Variants in RBFOX1 observed in about 807,000 individuals in gnomAD.
RBFOX1 encodes the protein RNA binding protein fox-1 homolog 1.
In RBFOX1, 8 loss-of-function variants were observed where a neutral mutation model predicts 57.7. The observed-to-expected ratio is 0.14, with a 90% CI of 0.08 to 0.25. The LOEUF is 0.25. Ranked by LOEUF, RBFOX1 falls within the 10% of genes least tolerant of loss-of-function variation. The probability of loss-of-function intolerance (pLI) is 1.00; values close to 1 mark genes in which losing one functional copy is unlikely to be tolerated. For missense variants in RBFOX1, 611 were observed against 548.5 expected (o/e 1.11, Z -1.14); for synonymous variants, 326 against 222.4 (o/e 1.47, Z -4.15).
intron 4 of RBFOX1, among the ~76,000 whole-genome samples, chr16:7,295,688 C>T (rs1301148677): frequency 6.6e-6 from 1 of 151,964 alleles, no homozygotes; most frequent in Non-Finnish European, 1.5e-5. Flanking sequence ...GGGAGTACAC[C>T]TTTTGCAGTC....
rs188341423 is a variant in RBFOX1 at position 6,838,392 on chromosome 16, T to A, written c.-16+183742T>A. On this transcript the variant is annotated intron_variant, in intron 3 of 15. Transcript: ENST00000550418. ...TTTATGGCTGCATAATATTCCCTGG[T>A]GCATATGTGCCACATTTTCTTTATC... Among the ~76,000 whole-genome samples, 500 of 152,344 alleles carry A rather than the reference T, an allele frequency of 3.3e-3. 3 individuals are homozygous for A. Among genetic ancestry groups the A allele is most frequent in the African/African-American group, 0.011 (477 of 41,572 alleles).
At chr16:6,545,975 G>T (rs537550278) in intron 2 of RBFOX1, among the ~76,000 whole-genome samples, 2 of 152,250 alleles carry the variant, frequency 1.3e-5, no homozygotes, top group Admixed American at 1.3e-4. Flanking sequence ...CAATCTTTTG[G>T]CTTCTCTGGG....
Position 6,745,749 on chromosome 16 carries a change from C to T in RBFOX1, c.-16+91099C>T, listed in dbSNP as rs191613958. ...ATTGGGAACAAAGCAAGGATTTATG[C>T]TTTCACCACTTCCCTTTCGCAGTAT... On this transcript the variant is annotated intron_variant, in intron 3 of 15. Coordinates refer to ENST00000550418, the MANE Select transcript of RBFOX1 (RefSeq NM_018723.4). Among the ~76,000 whole-genome samples, 9 of 152,266 alleles carry T rather than the reference C, an allele frequency of 5.9e-5. No homozygotes were observed. The East Asian group carries it at 1.7e-3, about 29-fold the overall frequency.
intron 3 of RBFOX1, among the ~76,000 whole-genome samples, chr16:6,744,861 G>A (rs28854308): frequency 1.9e-4 from 29 of 151,990 alleles, no homozygotes; most frequent in African/African-American, 7.0e-4. Context: ...AAAACAGGTA[G>A]TAGGCCAAAA....
chr16:6,110,464 C>G (rs190955428), intron 1 of RBFOX1, among the ~76,000 whole-genome samples: 1 of 152,196 alleles, frequency 6.6e-6, no homozygotes, highest in African/African-American at 2.4e-5. Flanking sequence ...ACAATTGATA[C>G]CTAAGTAGTG....
chr16:6,859,174 T>TATGTATATATAC (rs778753196), intron 3 of RBFOX1, among the ~76,000 whole-genome samples: 21 of 65,056 alleles, frequency 3.2e-4, no homozygotes, highest in South Asian at 2.1e-3. Flanking sequence ...CGTATATATA[T>TATGTATATATAC]GTATATATAT....
intron 1 of RBFOX1, among the ~76,000 whole-genome samples, chr16:5,463,127 C>T (rs2068843028): frequency 6.6e-6 from 1 of 152,164 alleles, no homozygotes; most frequent in African/African-American, 2.4e-5. Flanking sequence ...GAATACACGT[C>T]AACCTTGCAT....
intron 4 of RBFOX1, among the ~76,000 whole-genome samples, chr16:7,178,494 T>C (rs1344192289): frequency 6.6e-6 from 1 of 152,222 alleles, no homozygotes; most frequent in Non-Finnish European, 1.5e-5. Flanking sequence ...AATTGATGTA[T>C]CGATTGACTG....
intron 13 of RBFOX1, among the ~76,000 whole-genome samples, chr16:7,674,689 C>A (rs183013382): frequency 3.3e-5 from 5 of 152,194 alleles, no homozygotes; most frequent in Admixed American, 2.0e-4. Context: ...ATTTTGAGAC[C>A]TTCATAGATG....
chr16:6,885,267 G>A (rs8047883), intron 3 of RBFOX1, among the ~76,000 whole-genome samples: 118,999 of 152,104 alleles, frequency 0.78, 47,346 homozygotes, highest in African/African-American at 0.92. Flanking sequence ...GCATCACCTG[G>A]AAACTTGCTA....
At chr16:6,379,811 G>A (rs1437793434) in intron 2 of RBFOX1, among the ~76,000 whole-genome samples, 4 of 152,080 alleles carry the variant, frequency 2.6e-5, no homozygotes, top group African/African-American at 4.8e-5. Context: ...GTTTTGTTGT[G>A]CAAGAAGGGG....
chr16:7,661,626 G>T (rs2067757643), intron 12 of RBFOX1, among the ~76,000 whole-genome samples: 1 of 152,164 alleles, frequency 6.6e-6, no homozygotes, highest in African/African-American at 2.4e-5. Flanking sequence ...CATAATTTGT[G>T]ACTGTGTGTC....
chr16:7,175,348 G>A (rs1471991946), intron 4 of RBFOX1, among the ~76,000 whole-genome samples: 1 of 151,912 alleles, frequency 6.6e-6, no homozygotes, highest in Non-Finnish European at 1.5e-5. Flanking sequence ...GGGTCTCAGT[G>A]AATCTTGAGG....
At chr16:5,720,591 C>T (rs774510201) in intron 3 of RBFOX1, among the ~76,000 whole-genome samples, 3 of 152,132 alleles carry the variant, frequency 2.0e-5, no homozygotes, top group Non-Finnish European at 4.4e-5. Flanking sequence ...GTCTATGATC[C>T]ATTTCGAGTT....
chr16:6,058,407 G>A (rs147776933), intron 1 of RBFOX1, among the ~76,000 whole-genome samples: 94 of 151,812 alleles, frequency 6.2e-4, no homozygotes, highest in African/African-American at 2.1e-3. Flanking sequence ...TTCTTGCACT[G>A]GCCTAGAACC....
At chr16:7,159,066 C>T (rs997926519) in intron 4 of RBFOX1, among the ~76,000 whole-genome samples, 1 of 152,068 alleles carries the variant, frequency 6.6e-6, no homozygotes. Context: ...CTGTTCTTCA[C>T]TTCTGAAGTT....
chr16:7,414,820 G>A (rs1161038133), intron 4 of RBFOX1, among the ~76,000 whole-genome samples: 1 of 152,160 alleles, frequency 6.6e-6, no homozygotes, highest in Admixed American at 6.5e-5. Context: ...GTTTTGCCAT[G>A]TTAGCCAGGC....
chr16:6,822,759 A>G (rs910413195), intron 3 of RBFOX1, among the ~76,000 whole-genome samples: 5 of 152,214 alleles, frequency 3.3e-5, no homozygotes, highest in Non-Finnish European at 7.3e-5. Context: ...AAAAGAACCC[A>G]GAAGAACCTA....
At chr16:6,366,630 C>G (rs2152882244) in intron 2 of RBFOX1, among the ~76,000 whole-genome samples, 1 of 152,266 alleles carries the variant, frequency 6.6e-6, no homozygotes, top group South Asian at 2.1e-4. Flanking sequence ...TACCATGTGC[C>G]AGGTTCTTCT....
Sources: gnomAD v4.1 joint callset for allele counts (sites outside exome capture counted in the v4.1 genomes callset) on GRCh38, gnomAD v4.1.1 for gene constraint, MANE v1.5 for transcripts, NCBI Gene and HGNC (gene_info 2026-07-23, HGNC 2026-07-21) for gene names.